Variants in PCDHA4 observed in about 807,000 individuals in gnomAD.
The protein encoded by PCDHA4 is protocadherin alpha 4.
A neutral mutation model predicts 61.4 loss-of-function variants in PCDHA4; 49 were observed. The ratio of observed to expected loss-of-function variants is 0.80; its 90% CI spans 0.63 to 1.01. PCDHA4 has a LOEUF of 1.01. Ranked by LOEUF, PCDHA4 falls within the 50% of genes least tolerant of loss-of-function variation. PCDHA4 has a pLI of 0.00. For missense variants in PCDHA4, 1,254 were observed against 1,235.8 expected (o/e 1.01, Z -0.22); for synonymous variants, 590 against 550.3 (o/e 1.07, Z -1.01).
At chr5:140,814,345 G>C (rs2126654527) in intron 1 of PCDHA4, 1 of 151,438 alleles carries the variant, frequency 6.6e-6, no homozygotes, top group East Asian at 1.9e-4. Context: ...AGGTCTTCTG[G>C]GGCAGTTACA....
At chr5:141,007,759 T>C (rs1392582275) in intron 3 of PCDHA4, among the ~76,000 whole-genome samples, 6 of 152,312 alleles carry the variant, frequency 3.9e-5, no homozygotes, top group Middle Eastern at 3.4e-3. Flanking sequence ...TGGACTCTTA[T>C]TGGCCTGGAA....
chr5:140,870,954 G>A, intron 1 of PCDHA4: 1 of 1,613,632 alleles, frequency 6.2e-7, no homozygotes, highest in Non-Finnish European at 8.5e-7. Flanking sequence ...CGGGCGGCTC[G>A]CGCATCCCGT....
chr5:140,931,544 A>G (rs1276156656), intron 1 of PCDHA4, among the ~76,000 whole-genome samples: 1 of 152,048 alleles, frequency 6.6e-6, no homozygotes, highest in Non-Finnish European at 1.5e-5. Context: ...TATACTGTTC[A>G]TATGTGCAGG....
rs2150132919 is a variant in PCDHA4, at chr5:140,824,166, A to G, written c.2385+14594A>G. 16 of 1,610,082 alleles carry G rather than the reference A, an allele frequency of 9.9e-6. No homozygotes were observed. The South Asian group carries it at 1.8e-4, about 18-fold the overall frequency. ...TATTAACATCCATCTTTCCCTCCCA[A>G]TTTTCAAATATTAAATGTCACATTC... is the stretch of plus-strand genomic sequence containing the variant. On this transcript the variant is annotated intron_variant, in intron 1 of 3. Transcript: ENST00000530339.
At chr5:140,982,275 A>G (rs1315034472) in intron 2 of PCDHA4, 200 bp from the exon 3 acceptor site, 3 of 951,630 alleles carry the variant, frequency 3.2e-6, no homozygotes, top group Non-Finnish European at 4.5e-6. Context: ...GGAATAGTAT[A>G]GCAGGCAATA....
At chr5:140,969,847 A>G (rs2096364168) in intron 1 of PCDHA4, among the ~76,000 whole-genome samples, 1 of 152,150 alleles carries the variant, frequency 6.6e-6, no homozygotes. Flanking sequence ...TATCTAGTTA[A>G]TATTTCTGGT....
At chr5:140,947,221 T>A (rs181563367) in intron 1 of PCDHA4, among the ~76,000 whole-genome samples, 1 of 151,730 alleles carries the variant, frequency 6.6e-6, no homozygotes, top group East Asian at 1.9e-4. Context: ...TCCTGTCATT[T>A]ATGACAGGAA....
At chr5:141,005,594 C>T (rs534928198) in intron 3 of PCDHA4, among the ~76,000 whole-genome samples, 10 of 147,680 alleles carry the variant, frequency 6.8e-5, no homozygotes, top group African/African-American at 1.8e-4. Flanking sequence ...CCCAGCTACA[C>T]AGGAGGCTGA....
In PCDHA4 at chr5:140,927,952, G is replaced by C. The variant is rs1352026553; in HGVS notation, c.2386-50997G>C. 6 of 1,614,064 alleles carry C rather than the reference G, an allele frequency of 3.7e-6. No homozygotes were observed. In the African/African-American group the frequency reaches 8.0e-5, roughly 22 times the overall value. On this transcript the variant is annotated intron_variant, in intron 1 of 3. Coordinates refer to ENST00000530339, the MANE Select transcript of PCDHA4 (RefSeq NM_018907.4). ...TTCGAACCCAGTACCTGAGGACGCTGCCCCTGGCACAGTGATTGCTCTCTT... is the reference window on the plus strand; with the variant it reads ...TTCGAACCCAGTACCTGAGGACGCTCCCCCTGGCACAGTGATTGCTCTCTT...
Position 141,009,816 on chromosome 5 carries a change from G to A in PCDHA4, c.2723G>A (p.Ser908Asn). ...QEPTNSQIDK[S>N]DFITFGKKEE... Reference sequence around the variant, plus strand: ...CCTACTAACAGCCAAATTGACAAAAGTGACTTCATAACCTTCGGCAAAAAG... The same window carrying A: ...CCTACTAACAGCCAAATTGACAAAAATGACTTCATAACCTTCGGCAAAAAG... Residue 908 changes from serine to asparagine, a missense_variant, in exon 4 of 4, where the codon AGT (serine) becomes AAT (asparagine). Ser to Asn is a conservative substitution (Grantham distance 46). Transcript: ENST00000530339. 1 of 1,614,044 alleles carries A rather than the reference G, an allele frequency of 6.2e-7. No homozygotes were observed. Among genetic ancestry groups the A allele is most frequent in the African/African-American group, 1.3e-5 (1 of 74,990 alleles).
rs558490430 is a variant in PCDHA4, at chr5:140,909,702, G to A, written c.2386-69247G>A. ...AGCCAATGTGGGGGTTCTGCTAGCT[G>A]CTAAGTATACCTATGCCAATTATGC... is the stretch of plus-strand genomic sequence containing the variant. On this transcript the variant is annotated intron_variant, in intron 1 of 3. Transcript: ENST00000530339. Among the ~76,000 whole-genome samples the A allele has an allele frequency of 3.3e-5, 5 of 152,302 alleles. No individual in the cohort carries two copies. In the East Asian group the frequency reaches 9.6e-4, roughly 29 times the overall value.
At chr5:140,876,884 G>A (rs782742455) in intron 1 of PCDHA4, 11 of 1,614,028 alleles carry the variant, frequency 6.8e-6, no homozygotes, top group East Asian at 2.2e-5. Flanking sequence ...AACCCGCCGG[G>A]CTGCCACATC....
At chr5:140,895,532 A>G (rs546443647) in intron 1 of PCDHA4, among the ~76,000 whole-genome samples, 1 of 152,172 alleles carries the variant, frequency 6.6e-6, no homozygotes, top group East Asian at 1.9e-4. Flanking sequence ...TCGTTTTTCA[A>G]TTGTTGAGTT....
At chr5:140,822,996 G>A in intron 1 of PCDHA4, 1 of 1,614,238 alleles carries the variant, frequency 6.2e-7, no homozygotes, top group Non-Finnish European at 8.5e-7. Context: ...ACTCGTTGGT[G>A]CTGGACAGCG....
chr5:140,830,371 CG>C (rs1771026985), intron 1 of PCDHA4: 1 of 1,614,120 alleles, frequency 6.2e-7, no homozygotes, highest in Non-Finnish European at 8.5e-7. Flanking sequence ...GGGTGTGCTC[CG>C]GGGAGGGCCC....
At chr5:140,902,367 T>C (rs2153476761) in intron 1 of PCDHA4, among the ~76,000 whole-genome samples, 1 of 152,142 alleles carries the variant, frequency 6.6e-6, no homozygotes, top group Middle Eastern at 3.4e-3. Flanking sequence ...TTCTCTTGTC[T>C]AATTGCTCTA....
At chr5:140,821,730 T>G in intron 1 of PCDHA4, 3 of 1,514,520 alleles carry the variant, frequency 2.0e-6, no homozygotes, top group African/African-American at 1.4e-5. Context: ...ACAAAATACA[T>G]TGTGTGGTGA....
intron 1 of PCDHA4, chr5:140,859,219 T>G (rs901080538): frequency 2.0e-5 from 3 of 149,830 alleles, no homozygotes; most frequent in African/African-American, 4.9e-5. Context: ...CTCTTTCACT[T>G]TAAGGAAGGA....
At position 140,998,856 on chromosome 5, in the gene PCDHA4, C is replaced by T. The variant is rs77103467; in HGVS notation, c.2534-10771C>T. 2.6e-3 allele frequency among the ~76,000 whole-genome samples: 397 copies of T among 152,354 alleles called. 2 individuals carry two copies. Among genetic ancestry groups the T allele is most frequent in the African/African-American group, 9.1e-3 (380 of 41,584 alleles). ...TGGATTACTGGTGTGAGCCACATGC[C>T]TGGCCTTGTAAATAATAAGTTTAGT... On this transcript the variant is annotated intron_variant, in intron 3 of 3. Coordinates refer to ENST00000530339, the MANE Select transcript of PCDHA4 (RefSeq NM_018907.4).
Sources: gnomAD v4.1 joint callset for allele counts (sites outside exome capture counted in the v4.1 genomes callset) on GRCh38, gnomAD v4.1.1 for gene constraint, MANE v1.5 for transcripts, NCBI Gene and HGNC (gene_info 2026-07-23, HGNC 2026-07-21) for gene names.